The following DRAXIN variants were observed in gnomAD, a reference collection of about 807,000 sequenced individuals.
DRAXIN encodes the protein dorsal inhibitory axon guidance protein.
DRAXIN carries 27 observed loss-of-function variants against 33.9 expected under a neutral mutation model. The ratio of observed to expected loss-of-function variants is 0.80; its 90% CI spans 0.59 to 1.10. The LOEUF is 1.10. Ranked by LOEUF, DRAXIN falls within the 50% of genes least tolerant of loss-of-function variation. The pLI is 0.00. For synonymous variants in DRAXIN, 178 were observed against 194.0 expected (o/e 0.92, Z 0.69); for missense variants, 371 against 460.8 (o/e 0.81, Z 1.78).
chr1:11,691,656 C>T (rs1230249295), upstream of DRAXIN: 16 of 149,308 alleles, frequency 1.1e-4, no homozygotes, highest in Admixed American at 6.0e-4. Context: ...TCCTCTGTCC[C>T]CTCCCCGCGC....
rs540569480 is a variant in DRAXIN at position 11,702,145 on chromosome 1, CCACA to C, written c.-10-4099_-10-4096del. Among the ~76,000 whole-genome samples, 3 of 149,024 alleles carry C rather than the reference CCACA, an allele frequency of 2.0e-5. No homozygotes were observed. The South Asian group carries it at 6.4e-4, about 32-fold the overall frequency. ...CATGCTCACACTCATACGTACACGCCCACACACATTCACGCTCACACATGCTGAC... is the reference window on the plus strand; with the variant it reads ...CATGCTCACACTCATACGTACACGCCCACATTCACGCTCACACATGCTGAC... On this transcript the variant is annotated intron_variant, in intron 1 of 6. Coordinates refer to ENST00000294485, the MANE Select transcript of DRAXIN (RefSeq NM_198545.4).
Position 11,696,019 on chromosome 1 carries a change from C to T in DRAXIN, c.-11+4166C>T, listed in dbSNP as rs902856837. ...ACAATAAAAGCAGATGGAGCTGCCC[C>T]TGCAGGGAAGCCAAACCTCATTTGC... On this transcript the variant is annotated intron_variant, in intron 1 of 6. Coordinates refer to ENST00000294485, the MANE Select transcript of DRAXIN (RefSeq NM_198545.4). The surrounding 1 kb of genome is among the most constrained non-coding windows in gnomAD (Gnocchi z 4.7). Among the ~76,000 whole-genome samples the T allele has an allele frequency of 6.6e-6, 1 of 152,202 alleles. No homozygotes were observed. The highest frequency in any genetic ancestry group is 1.5e-5 in the Non-Finnish European group (1 of 68,030).
intron 5 of DRAXIN, 132 bp downstream of exon 5, chr1:11,712,561 C>T: frequency 2.4e-6 from 2 of 848,748 alleles, no homozygotes; most frequent in Non-Finnish European, 1.9e-6. Context: ...ATAACAACAG[C>T]TGCCACTTTC....
At chr1:11,690,794 C>G (rs1412979741), upstream of DRAXIN, among the ~76,000 whole-genome samples, 1 of 152,114 alleles carries the variant, frequency 6.6e-6, no homozygotes, top group East Asian at 1.9e-4. The surrounding 1 kb of genome is among the most constrained non-coding windows in gnomAD (Gnocchi z 4.2). Context: ...CTCAGACTCC[C>G]AGGGTCGTCA....
chr1:11,694,234 C>G lies in DRAXIN; in HGVS notation c.-11+2381C>G, dbSNP rs1641154899. Among the ~76,000 whole-genome samples, 1 of 152,070 alleles carries G rather than the reference C, an allele frequency of 6.6e-6. No homozygotes were observed. Among genetic ancestry groups the G allele is most frequent in the Admixed American group, 6.6e-5 (1 of 15,262 alleles). On this transcript the variant is annotated intron_variant, in intron 1 of 6. Transcript: ENST00000294485. The surrounding 1 kb of genome is among the most constrained non-coding windows in gnomAD (Gnocchi z 4.9). ...CACGCAGTAGGGGCTCTGTGCACAC[C>G]TGTTATATTGAATGTGATTCCTGGT...
chr1:11,712,302 G>A, intron 4 of DRAXIN, 38 bp from the exon 5 acceptor site: 1 of 1,611,700 alleles, frequency 6.2e-7, no homozygotes, highest in Non-Finnish European at 8.5e-7. Flanking sequence ...CTGCTCTGCT[G>A]GGCCCCAGCT....
intron 1 of DRAXIN, among the ~76,000 whole-genome samples, chr1:11,700,098 G>T (rs551983460): frequency 6.6e-6 from 1 of 151,812 alleles, no homozygotes; most frequent in Non-Finnish European, 1.5e-5. Context: ...TTAGCTGGGC[G>T]TGGTGGCAGC....
In DRAXIN at chr1:11,692,915, G is replaced by T. The variant is rs1043485560; in HGVS notation, c.-11+1062G>T. 1.3e-5 allele frequency among the ~76,000 whole-genome samples: 2 copies of T among 151,706 alleles called. No individual in the cohort carries two copies. Among genetic ancestry groups the T allele is most frequent in the Non-Finnish European group, 2.9e-5 (2 of 67,948 alleles). On this transcript the variant is annotated intron_variant, in intron 1 of 6. Coordinates refer to ENST00000294485, the MANE Select transcript of DRAXIN (RefSeq NM_198545.4). This position sits in a 1 kb window ranked among gnomAD's most constrained non-coding sequence, Gnocchi z 5.8. ...ATGTGTGTGGAAATTGTGGGGTGCC[G>T]CTTGGTGCTGGTTCACACACCCTGT...
chr1:11,706,806 T>A lies in DRAXIN; in HGVS notation c.451+97T>A. ...GCAGGCAAGGGTCAGGGGCATGAGG[T>A]CCAGAGGAGAGGAGGGGTCTCACTG... On this transcript the variant is annotated intron_variant, in intron 2 of 6. Transcript: ENST00000294485. This position sits in a 1 kb window ranked among gnomAD's most constrained non-coding sequence, Gnocchi z 5.5. 3 of 1,339,322 alleles carry A rather than the reference T, an allele frequency of 2.2e-6. No homozygotes were observed. The highest frequency in any genetic ancestry group is 3.0e-6 in the Non-Finnish European group (3 of 1,008,076). The allele number at this position is 1,339,322 out of a possible 1,614,324, so 83.0% of individuals were successfully genotyped here.
intron 1 of DRAXIN, among the ~76,000 whole-genome samples, chr1:11,699,635 G>A (rs1385501212): frequency 2.0e-5 from 3 of 152,112 alleles, no homozygotes; most frequent in African/African-American, 4.8e-5. Flanking sequence ...ACCGCCGGGC[G>A]CAGTGGCTCA....
At chr1:11,713,356 C>T (rs989262038) in intron 5 of DRAXIN, among the ~76,000 whole-genome samples, 1 of 152,210 alleles carries the variant, frequency 6.6e-6, no homozygotes, top group Non-Finnish European at 1.5e-5. Context: ...TGCCTTAAAT[C>T]GGGATGATCC....
chr1:11,690,888 C>A (rs1557683846), upstream of DRAXIN, among the ~76,000 whole-genome samples: 2 of 152,140 alleles, frequency 1.3e-5, no homozygotes. The surrounding 1 kb of genome is among the most constrained non-coding windows in gnomAD (Gnocchi z 4.2). Context: ...AAGCTTCAGG[C>A]CGGCTTTGGA....
rs1035022102 is a variant in DRAXIN at position 11,723,450 on chromosome 1, A to G, written c.*3754A>G. On this transcript the variant is annotated 3_prime_UTR_variant, in exon 7 of 7. Coordinates refer to ENST00000294485, the MANE Select transcript of DRAXIN (RefSeq NM_198545.4). ...TCTGTAGCAGTGTGGCTGGTGTTAAATCCACCTATTCCACCTCTCACAGCT... is the reference window on the plus strand; with the variant it reads ...TCTGTAGCAGTGTGGCTGGTGTTAAGTCCACCTATTCCACCTCTCACAGCT... The G allele has an allele frequency of 3.9e-5, 6 of 152,206 alleles. No homozygotes were observed. Among genetic ancestry groups the G allele is most frequent in the Admixed American group, 3.9e-4 (6 of 15,282 alleles). 9.4% of individuals were successfully genotyped at this position (152,206 alleles called of 1,614,324 possible).
intron 5 of DRAXIN, among the ~76,000 whole-genome samples, chr1:11,712,965 C>T (rs1008516768): frequency 5.4e-5 from 8 of 148,954 alleles, no homozygotes; most frequent in South Asian, 2.1e-4. Context: ...TTTGGGAGGC[C>T]GAGGCAGGCG....
intron 1 of DRAXIN, among the ~76,000 whole-genome samples, chr1:11,698,899 A>G (rs949021068): frequency 6.6e-6 from 1 of 152,218 alleles, no homozygotes; most frequent in Admixed American, 6.5e-5. Context: ...GGAACTACAG[A>G]GACATAAAAC....
At position 11,708,992 on chromosome 1, in the gene DRAXIN, G is replaced by A. The variant is rs151143748; in HGVS notation, c.452-283G>A. Among the ~76,000 whole-genome samples, 16 of 152,262 alleles carry A rather than the reference G, an allele frequency of 1.1e-4. No homozygotes were observed. In the East Asian group the frequency reaches 2.3e-3, roughly 22 times the overall value. On this transcript the variant is annotated intron_variant, in intron 2 of 6. Transcript: ENST00000294485. The stretch of plus-strand genomic sequence containing the variant: ...TTGTTATACTTACATATCTGGCTGC[G>A]CCCAGCCAATCTGGACTTGGACTTG...
At position 11,705,907 on chromosome 1, in the gene DRAXIN, A is replaced by G. The variant is rs569349976; in HGVS notation, c.-10-342A>G. 1.3e-5 allele frequency among the ~76,000 whole-genome samples: 2 copies of G among 152,254 alleles called. No individual in the cohort carries two copies. The highest frequency in any genetic ancestry group is 4.1e-4 in the South Asian group (2 of 4,828). ...AAGGGGCAGAGGTTTGTGCAGAGAA[A>G]GGAATTCTGGACTAATCTGGAACTT... On this transcript the variant is annotated intron_variant, in intron 1 of 6. Transcript: ENST00000294485. The surrounding 1 kb of genome is among the most constrained non-coding windows in gnomAD (Gnocchi z 4.8).
rs1484239744 is a variant in DRAXIN, at chr1:11,704,165, G to A, written c.-10-2084G>A. ...CCCTCAACCCCCAGGACAAGGAGGA[G>A]GTGGTGATTCCTTTCATTGGCCAAC... On this transcript the variant is annotated intron_variant, in intron 1 of 6. Coordinates refer to ENST00000294485, the MANE Select transcript of DRAXIN (RefSeq NM_198545.4). The surrounding 1 kb of genome is among the most constrained non-coding windows in gnomAD (Gnocchi z 4.6). Among the ~76,000 whole-genome samples the A allele has an allele frequency of 6.6e-6, 1 of 152,166 alleles. No individual in the cohort carries two copies. Among genetic ancestry groups the A allele is most frequent in the Non-Finnish European group, 1.5e-5 (1 of 68,016 alleles).
rs567491312 is a variant in DRAXIN at position 11,724,872 on chromosome 1, T to A, written c.*5176T>A. The A allele has an allele frequency of 1.6e-4, 24 of 152,354 alleles. No individual in the cohort carries two copies. Among genetic ancestry groups the A allele is most frequent in the African/African-American group, 5.5e-4 (23 of 41,550 alleles). 9.4% of individuals were successfully genotyped at this position (152,354 alleles called of 1,614,324 possible). Reference sequence around the variant, plus strand: ...CTTCACTCTGACAGGCAATGGTGACTGTGTGTGTTTCCTGGGGAGGAGGTT... The same window carrying A: ...CTTCACTCTGACAGGCAATGGTGACAGTGTGTGTTTCCTGGGGAGGAGGTT... On this transcript the variant is annotated 3_prime_UTR_variant, in exon 7 of 7. Transcript: ENST00000294485.
Sources: allele counts gnomAD v4.1 joint callset (sites outside exome capture counted in the v4.1 genomes callset), GRCh38; gene constraint gnomAD v4.1.1; non-coding constraint Gnocchi (gnomAD v3.1); transcripts MANE v1.5; gene names NCBI Gene and HGNC (gene_info 2026-07-23, HGNC 2026-07-21).